The following DUSP1 variants were observed in gnomAD, a reference collection of about 807,000 sequenced individuals.
DUSP1 encodes dual specificity phosphatase 1.
DUSP1 carries 10 observed loss-of-function variants against 27.4 expected under a neutral mutation model. The ratio of observed to expected loss-of-function variants is 0.37; its 90% CI spans 0.23 to 0.62. The LOEUF is 0.62. Among genes scored for constraint, DUSP1 ranks in the 20% least tolerant of loss-of-function variants. The pLI is 0.68. For synonymous variants in DUSP1, 262 were observed against 223.6 expected (o/e 1.17, Z -1.53); for missense variants, 425 against 508.1 (o/e 0.84, Z 1.57).
chr5:172,769,452 A>G, intron 3 of DUSP1, 123 bp downstream of exon 3: 1 of 1,090,092 alleles, frequency 9.2e-7, no homozygotes, highest in South Asian at 1.5e-5. Context: ...TGCCCACACC[A>G]GACTGATACT....
intron 1 of DUSP1, 51 bp downstream of exon 1, chr5:172,770,535 G>A: frequency 2.1e-6 from 3 of 1,458,522 alleles, no homozygotes; most frequent in Non-Finnish European, 2.7e-6. Context: ...AGGGGTACCG[G>A]GCAAAACCTC....
intron 2 of DUSP1, 56 bp downstream of exon 2, chr5:172,770,105 T>C: frequency 6.6e-7 from 1 of 1,525,602 alleles, no homozygotes; most frequent in Admixed American, 2.3e-5. Context: ...CTGGCACTAC[T>C]CTTCCATGCC....
At chr5:172,770,347 C>A (rs1220335677) in intron 1 of DUSP1, 41 bp from the exon 2 acceptor site, 2 of 1,608,346 alleles carry the variant, frequency 1.2e-6, no homozygotes, top group South Asian at 1.1e-5. Flanking sequence ...TTAGTGACAC[C>A]GGGACACGGC....
At chr5:172,770,124 T>G (rs1288837545) in intron 2 of DUSP1, 37 bp downstream of exon 2, 7 of 1,536,264 alleles carry the variant, frequency 4.6e-6, no homozygotes, top group African/African-American at 1.4e-5. Context: ...CCTTTGCCAG[T>G]TCTTACTTCT....
chr5:172,770,506 C>G, intron 1 of DUSP1, 80 bp downstream of exon 1: 1 of 1,464,824 alleles, frequency 6.8e-7, no homozygotes, highest in South Asian at 1.5e-5. Flanking sequence ...GTGGGGCGAT[C>G]CCCCGGGAGC....
In DUSP1 at chr5:172,768,639, C is replaced by T. The variant is rs776958216; in HGVS notation, c.*123G>A. The T allele has an allele frequency of 7.2e-5, 93 of 1,296,642 alleles. 1 individual carries two copies. Among genetic ancestry groups the T allele is most frequent in the Non-Finnish European group, 9.3e-5 (93 of 995,634 alleles). The allele number at this position is 1,296,642 out of a possible 1,614,324, so 80.3% of individuals were successfully genotyped here. A position where few individuals can be genotyped will look rare whatever the true frequency, so the allele number is the denominator to read the frequency against. ...ATAACTGCTTAGAAACCCAGAGGAA[C>T]TCGGGTGAAGTTAAATAAATAAGGA... On this transcript the variant is annotated 3_prime_UTR_variant, in exon 4 of 4. Transcript: ENST00000239223.
chr5:172,770,740 G>T lies in DUSP1; in HGVS notation c.213C>A (p.Leu71=). 1 of 1,430,190 alleles carries T rather than the reference G, an allele frequency of 7.0e-7. No individual in the cohort carries two copies. The allele number at this position is 1,430,190 out of a possible 1,614,324, so 88.6% of individuals were successfully genotyped here. A position where few individuals can be genotyped will look rare whatever the true frequency, so the allele number is the denominator to read the frequency against. ...GLEHIVPNAE[L]RGRLLAGAYH... ...AGGCGCCGGCCAGCAGGCGGCCGCG[G>T]AGCTCGGCGTTGGGCACGATGTGCT... The change falls in exon 1 of 4, where the codon CTC becomes CTA. Residue 71 remains leucine, a synonymous_variant. Transcript: ENST00000239223.
intron 3 of DUSP1, 41 bp from the exon 4 acceptor site, chr5:172,769,173 G>C (rs752822774): frequency 1.3e-6 from 2 of 1,569,814 alleles, no homozygotes; most frequent in South Asian, 2.3e-5. Flanking sequence ...GAGAGTTCAG[G>C]AGAACCACCC....
chr5:172,770,086 A>G (rs549942638), intron 2 of DUSP1, 75 bp downstream of exon 2: 2 of 1,512,858 alleles, frequency 1.3e-6, no homozygotes, highest in African/African-American at 1.4e-5. Flanking sequence ...GTCACTTTCT[A>G]TATTCTCCCT....
rs1394117953 is a variant in DUSP1 at position 172,768,521 on chromosome 5, T to C, written c.*241A>G. On this transcript the variant is annotated 3_prime_UTR_variant, in exon 4 of 4. Transcript: ENST00000239223. ...ATCACACACTGAGTCCTTTCTCTTC[T>C]GCCCCATTTTGTCAGATGGACTTGA... 7.3e-6 allele frequency: 3 copies of C among 410,854 alleles called. No individual in the cohort carries two copies. The highest frequency in any genetic ancestry group is 1.2e-5 in the Non-Finnish European group (3 of 242,944). The allele number at this position is 410,854 out of a possible 1,614,324, so 25.5% of individuals were successfully genotyped here.
In DUSP1 at chr5:172,770,953, G is replaced by A. The variant is rs1472703065; in HGVS notation, c.-1C>T. ...CCAGGGTGCCCACTTCCATGACCATGGCCGGCCTCAGCGCCCCCAGCGTGA... is the reference window on the plus strand; with the variant it reads ...CCAGGGTGCCCACTTCCATGACCATAGCCGGCCTCAGCGCCCCCAGCGTGA... On this transcript the variant is annotated 5_prime_UTR_variant, in exon 1 of 4. Coordinates refer to ENST00000239223, the MANE Select transcript of DUSP1 (RefSeq NM_004417.4). 6.7e-7 allele frequency: 1 copy of A among 1,497,274 alleles called. No individual in the cohort carries two copies. Among genetic ancestry groups the A allele is most frequent in the Non-Finnish European group, 8.9e-7 (1 of 1,128,026 alleles). 92.7% of individuals were successfully genotyped at this position (1,497,274 alleles called of 1,614,324 possible). A position where few individuals can be genotyped will look rare whatever the true frequency, so the allele number is the denominator to read the frequency against.
rs1759888667 is a variant in DUSP1 at position 172,771,064 on chromosome 5, T to C, written c.-112A>G. 17 of 1,290,012 alleles carry C rather than the reference T, an allele frequency of 1.3e-5. No homozygotes were observed. In the South Asian group the frequency reaches 3.6e-4, roughly 27 times the overall value. The allele number at this position is 1,290,012 out of a possible 1,614,324, so 79.9% of individuals were successfully genotyped here. ...GAAAAGCTAGACCCCCGGGTCTCTC[T>C]GCGCCGAACCAAAAGCCGCTTTTGG... On this transcript the variant is annotated 5_prime_UTR_variant, in exon 1 of 4. Transcript: ENST00000239223.
rs1212615742 is a variant in DUSP1, at chr5:172,768,124, A to G, written c.*638T>C. On this transcript the variant is annotated 3_prime_UTR_variant, in exon 4 of 4. Transcript: ENST00000239223. ...CAATAGAAATGCCATAATTTATTCCATTGTATAAAAAAGTCATCCTTATGT... is the reference window on the plus strand; with the variant it reads ...CAATAGAAATGCCATAATTTATTCCGTTGTATAAAAAAGTCATCCTTATGT... 6.6e-6 allele frequency: 1 copy of G among 152,628 alleles called. No homozygotes were observed. The highest frequency in any genetic ancestry group is 2.4e-5 in the African/African-American group (1 of 41,458). The allele number at this position is 152,628 out of a possible 1,614,324, so 9.5% of individuals were successfully genotyped here.
Position 172,768,889 on chromosome 5 carries a change from A to G in DUSP1, c.977T>C (p.Met326Thr), listed in dbSNP as rs756976896. ...GGAGGTGCCTCGGTCGAGCACAGCC[A>G]TGGCGGGGCTCCCAGCCTCTGCCGA... is the stretch of plus-strand genomic sequence containing the variant. ...HCSAEAGSPAMAVLDRGTSTT... is the reference protein window; with the variant it reads ...HCSAEAGSPATAVLDRGTSTT... Residue 326 changes from methionine to threonine, a missense_variant, in exon 4 of 4, where the codon ATG becomes ACG. Coordinates refer to ENST00000239223, the MANE Select transcript of DUSP1 (RefSeq NM_004417.4). The G allele has an allele frequency of 1.9e-6, 3 of 1,613,072 alleles. No individual in the cohort carries two copies. Among genetic ancestry groups the G allele is most frequent in the Non-Finnish European group, 2.5e-6 (3 of 1,179,296 alleles).
rs1759880834 is a variant in DUSP1, at chr5:172,770,830, G to A, written c.123C>T (p.Ala41=). The change falls in exon 1 of 4, where the codon GCC becomes GCT. Residue 41 remains alanine, a synonymous_variant. Coordinates refer to ENST00000239223, the MANE Select transcript of DUSP1 (RefSeq NM_004417.4). Reference sequence around the variant, plus strand: ...TGCTGAAGCGCACGTTGACAGAGCCGGCGATGTGGCCGGCGTTGAAAGCGA... The same window carrying A: ...TGCTGAAGCGCACGTTGACAGAGCCAGCGATGTGGCCGGCGTTGAAAGCGA... ...SFFAFNAGHI[A]GSVNVRFSTI... 1 of 1,526,668 alleles carries A rather than the reference G, an allele frequency of 6.6e-7. No homozygotes were observed. 94.6% of individuals were successfully genotyped at this position (1,526,668 alleles called of 1,614,324 possible).
Position 172,770,645 on chromosome 5 carries a change from G to A in DUSP1, c.308C>T (p.Ala103Val), listed in dbSNP as rs755096464. Reference protein sequence around the residue: ...LDGAKRDGTLALAAGALCREA... With the variant: ...LDGAKRDGTLVLAAGALCREA... ...GCGGCAGAGCGCGCCGGCCGCCAGG[G>A]CCAGGGTGCCGTCGCGCTTGGCGCC... Residue 103 changes from alanine to valine, a missense_variant, in exon 1 of 4, where the codon GCC becomes GTC. Coordinates refer to ENST00000239223, the MANE Select transcript of DUSP1 (RefSeq NM_004417.4). 7 of 1,312,232 alleles carry A rather than the reference G, an allele frequency of 5.3e-6. No homozygotes were observed. The highest frequency in any genetic ancestry group is 5.8e-6 in the Non-Finnish European group (6 of 1,036,952). 81.3% of individuals were successfully genotyped at this position (1,312,232 alleles called of 1,614,324 possible). A position where few individuals can be genotyped will look rare whatever the true frequency, so the allele number is the denominator to read the frequency against.
rs768590351 is a variant in DUSP1 at position 172,770,212 on chromosome 5, A to T, written c.462T>A (p.Pro154=). 2 of 1,604,790 alleles carry T rather than the reference A, an allele frequency of 1.2e-6. No homozygotes were observed. Among genetic ancestry groups the T allele is most frequent in the African/African-American group, 2.7e-5 (2 of 74,358 alleles). The part of the protein sequence containing the change: ...GLSLPLSTSV[P]DSAESGCSSC... ...AACTGCACCCAGATTCCGCGCTGTC[A>T]GGGACGCTAGTACTCAGGGGAAGGC... The change falls in exon 2 of 4, where the codon CCT becomes CCA. Residue 154 remains proline (P), a synonymous_variant. Coordinates refer to ENST00000239223, the MANE Select transcript of DUSP1 (RefSeq NM_004417.4).
intron 2 of DUSP1, 126 bp from the exon 3 acceptor site, chr5:172,769,920 G>C (rs532029266): frequency 3.2e-6 from 4 of 1,258,874 alleles, no homozygotes; most frequent in Non-Finnish European, 2.2e-6. Context: ...TCTGTTGCTG[G>C]AGGATAAATA....
chr5:172,769,737 G>A lies in DUSP1; in HGVS notation c.571C>T (p.Arg191Cys), dbSNP rs762145525. ...LYLGSAYHAS[R>C]KDMLDALGIT... Reference sequence around the variant, plus strand: ...CCCAAGGCATCCAGCATGTCCTTGCGGGAAGCGTGATACGCACTGCCCAGG... The same window carrying A: ...CCCAAGGCATCCAGCATGTCCTTGCAGGAAGCGTGATACGCACTGCCCAGG... Residue 191 changes from arginine (R) to cysteine (C), a missense_variant, in exon 3 of 4, where the codon CGC (arginine) becomes TGC (cysteine). Coordinates refer to ENST00000239223, the MANE Select transcript of DUSP1 (RefSeq NM_004417.4). 4.3e-6 allele frequency: 7 copies of A among 1,614,106 alleles called. No homozygotes were observed. Among genetic ancestry groups the A allele is most frequent in the East Asian group, 2.2e-5 (1 of 44,896 alleles).
Sources: allele counts gnomAD v4.1 joint callset, GRCh38; gene constraint gnomAD v4.1.1; transcripts MANE v1.5; gene names NCBI Gene and HGNC (gene_info 2026-07-23, HGNC 2026-07-21).